The following TRABD2B variants were observed in gnomAD, a reference collection of about 807,000 sequenced individuals.
The protein encoded by TRABD2B is TraB domain containing 2B.
A neutral mutation model predicts 40.1 loss-of-function variants in TRABD2B; 14 were observed. That is an observed-to-expected ratio of 0.35 (90% CI 0.23 to 0.55). The LOEUF (loss-of-function observed/expected upper bound fraction) is 0.55, where lower values mean the gene tolerates loss of function less well. Among genes scored for constraint, TRABD2B ranks in the 20% least tolerant of loss-of-function variants. The pLI, the probability that TRABD2B is intolerant of heterozygous loss-of-function variation, is 0.90. For synonymous variants in TRABD2B, 263 were observed against 277.0 expected, an observed-to-expected ratio of 0.95 and a Z score of 0.50; for missense variants, 541 against 648.6, an observed-to-expected ratio of 0.83 and a Z score of 1.80.
chr1:47,874,252 A>AC (rs1461578175), intron 2 of TRABD2B, among the ~76,000 whole-genome samples: 1 of 90,520 alleles, frequency 1.1e-5, no homozygotes, highest in African/African-American at 4.5e-5. Flanking sequence ...TGATTAATTA[A>AC]TTTTTTTTTT....
intron 2 of TRABD2B, among the ~76,000 whole-genome samples, chr1:47,810,395 T>C (rs1362265311): frequency 6.6e-6 from 1 of 151,836 alleles, no homozygotes; most frequent in African/African-American, 2.4e-5. Flanking sequence ...TTAGATAAGA[T>C]GTCCAGGTAA....
rs1472774141 is a variant in TRABD2B at position 47,990,769 on chromosome 1, TTTTATATATATATATATATATATA to T, written c.666+3241_666+3264del. On this transcript the variant is annotated intron_variant, in intron 2 of 6. Transcript: ENST00000606738. ...CAAGTTGTTGGTTTTAAAACGTTGGTTTTATATATATATATATATATATATATATATATATATATATATATATAT... is the reference window on the plus strand; with the variant it reads ...CAAGTTGTTGGTTTTAAAACGTTGGTTATATATATATATATATATATATAT... Among the ~76,000 whole-genome samples, 379 of 64,276 alleles carry T rather than the reference TTTTATATATATATATATATATATA, an allele frequency of 5.9e-3. 34 individuals carry two copies. The highest frequency in any genetic ancestry group is 0.015 in the African/African-American group (227 of 15,308). 42.2% of individuals were successfully genotyped at this position (64,276 alleles called of 152,430 possible).
intron 2 of TRABD2B, among the ~76,000 whole-genome samples, chr1:47,956,940 C>T (rs1200202610): frequency 2.0e-5 from 3 of 152,250 alleles, no homozygotes; most frequent in Admixed American, 2.0e-4. Flanking sequence ...AGTAGCCTAA[C>T]TGGGAGGCAC....
At chr1:47,880,335 A>G (rs1238117887) in intron 2 of TRABD2B, among the ~76,000 whole-genome samples, 1 of 152,192 alleles carries the variant, frequency 6.6e-6, no homozygotes, top group African/African-American at 2.4e-5. Context: ...AAAAAAGAGA[A>G]AGAAAAAGAT....
chr1:47,795,106 G>C (rs1356702575), intron 3 of TRABD2B, among the ~76,000 whole-genome samples: 1 of 152,174 alleles, frequency 6.6e-6, no homozygotes, highest in Non-Finnish European at 1.5e-5. Flanking sequence ...GTGGACTTAG[G>C]ATAAGTATGC....
intron 2 of TRABD2B, among the ~76,000 whole-genome samples, chr1:47,977,852 A>G (rs926726930): frequency 3.3e-5 from 5 of 152,108 alleles, no homozygotes; most frequent in Non-Finnish European, 7.4e-5. Context: ...GGAGGGCTCT[A>G]AAGGAGAAGA....
At chr1:47,936,357 C>A (rs1645106506) in intron 2 of TRABD2B, among the ~76,000 whole-genome samples, 1 of 152,136 alleles carries the variant, frequency 6.6e-6, no homozygotes, top group Non-Finnish European at 1.5e-5. Context: ...GCCCCACTCC[C>A]AACTAGGAGC....
At chr1:47,778,840 AT>A (rs1295909450) in intron 4 of TRABD2B, among the ~76,000 whole-genome samples, 1 of 152,188 alleles carries the variant, frequency 6.6e-6, no homozygotes, top group Admixed American at 6.5e-5. Context: ...TGTGAGGATT[AT>A]AAAAAACAGC....
At chr1:47,770,888 A>G (rs1162106903) in intron 6 of TRABD2B, among the ~76,000 whole-genome samples, 1 of 152,224 alleles carries the variant, frequency 6.6e-6, no homozygotes, top group African/African-American at 2.4e-5. Flanking sequence ...ACCAGCTGCA[A>G]CTGTTACCGA....
At chr1:47,953,331 G>A (rs1169630075) in intron 2 of TRABD2B, among the ~76,000 whole-genome samples, 1 of 152,194 alleles carries the variant, frequency 6.6e-6, no homozygotes, top group Non-Finnish European at 1.5e-5. Context: ...CTTCCTTAGA[G>A]CTTGGAGAGA....
At chr1:47,798,471 C>A (rs1315047237) in intron 3 of TRABD2B, among the ~76,000 whole-genome samples, 1 of 152,204 alleles carries the variant, frequency 6.6e-6, no homozygotes. Flanking sequence ...GGCCTGGGGG[C>A]TGCAGAGGCC....
intron 2 of TRABD2B, among the ~76,000 whole-genome samples, chr1:47,834,433 T>C (rs968213624): frequency 6.6e-6 from 1 of 152,184 alleles, no homozygotes; most frequent in Admixed American, 6.5e-5. Context: ...CCCAGAGCTA[T>C]GTACATGCTC....
chr1:47,772,946 C>A (rs1011855290), intron 6 of TRABD2B, among the ~76,000 whole-genome samples: 1 of 152,206 alleles, frequency 6.6e-6, no homozygotes, highest in Non-Finnish European at 1.5e-5. Flanking sequence ...AAAAGGGGCT[C>A]CCTTCTTGCC....
At chr1:47,814,967 G>A (rs765476600) in intron 2 of TRABD2B, among the ~76,000 whole-genome samples, 2 of 152,218 alleles carry the variant, frequency 1.3e-5, no homozygotes, top group African/African-American at 2.4e-5. Context: ...CTTAGATCCT[G>A]CATGGGGCTT....
In TRABD2B at chr1:47,775,258, ACTC is replaced by A. The variant is rs1644429065; in HGVS notation, c.1258_1260del (p.Glu420del). ...TTGTGCCACTTCCTCTGCCGGCCAA[ACTC>A]CTCCAGCTGGCTGAGGCTGTCGGGG... On this transcript the variant is annotated inframe_deletion, in exon 6 of 7. Transcript: ENST00000606738. 1 of 1,252,962 alleles carries A rather than the reference ACTC, an allele frequency of 8.0e-7. No individual in the cohort carries two copies. 77.6% of individuals were successfully genotyped at this position (1,252,962 alleles called of 1,614,324 possible). A position where few individuals can be genotyped will look rare whatever the true frequency, so the allele number is the denominator to read the frequency against.
At chr1:47,929,931 C>T (rs1252398520) in intron 2 of TRABD2B, among the ~76,000 whole-genome samples, 2 of 152,204 alleles carry the variant, frequency 1.3e-5, no homozygotes, top group African/African-American at 4.8e-5. Context: ...CCCAGCCCCC[C>T]AATGCCCTGC....
chr1:47,806,282 A>G (rs1488773553), intron 2 of TRABD2B, among the ~76,000 whole-genome samples: 1 of 152,210 alleles, frequency 6.6e-6, no homozygotes. Flanking sequence ...AGCTCATTTT[A>G]GAGGCAGATG....
intron 2 of TRABD2B, among the ~76,000 whole-genome samples, chr1:47,806,415 A>C (rs1361412418): frequency 6.6e-6 from 1 of 152,254 alleles, no homozygotes; most frequent in Middle Eastern, 3.4e-3. Flanking sequence ...CTCAGACTCG[A>C]GATGTCTTCT....
At chr1:47,768,466 C>G (rs1438327034) in intron 6 of TRABD2B, among the ~76,000 whole-genome samples, 1 of 152,216 alleles carries the variant, frequency 6.6e-6, no homozygotes, top group Non-Finnish European at 1.5e-5. Flanking sequence ...ACATACCACC[C>G]TCTCCATCAC....
Sources: allele counts gnomAD v4.1 joint callset (sites outside exome capture counted in the v4.1 genomes callset), GRCh38; gene constraint gnomAD v4.1.1; transcripts MANE v1.5; gene names NCBI Gene and HGNC (gene_info 2026-07-23, HGNC 2026-07-21).